Variants in HERC5 observed in about 807,000 individuals in gnomAD.
HERC5 encodes the protein HECT and RLD domain containing E3 ubiquitin protein ligase 5.
A neutral mutation model predicts 119.6 loss-of-function variants in HERC5; 99 were observed. The observed-to-expected ratio is 0.83, with a 90% CI of 0.70 to 0.98. HERC5 has a LOEUF of 0.98. Ranked by LOEUF, HERC5 falls within the 50% of genes least tolerant of loss-of-function variation. The pLI is 0.00. For synonymous variants in HERC5, 478 were observed against 445.9 expected, an observed-to-expected ratio of 1.07 and a Z score of -0.91; for missense variants, 1,267 against 1,241.3, an observed-to-expected ratio of 1.02 and a Z score of -0.31.
At chr4:88,484,009 G>A (rs946292488) in intron 13 of HERC5, among the ~76,000 whole-genome samples, 5 of 151,740 alleles carry the variant, frequency 3.3e-5, no homozygotes, top group African/African-American at 4.8e-5. Context: ...CATATTTTCC[G>A]TCTCATTGTC....
At chr4:88,486,551 A>G (rs1365520607) in intron 14 of HERC5, among the ~76,000 whole-genome samples, 1 of 152,230 alleles carries the variant, frequency 6.6e-6, no homozygotes, top group African/African-American at 2.4e-5. Context: ...CCAAGAGCCA[A>G]GACCCTGTGG....
chr4:88,459,608 A>G (rs1488340797), intron 2 of HERC5, 138 bp downstream of exon 2: 2 of 557,742 alleles, frequency 3.6e-6, no homozygotes, highest in Non-Finnish European at 6.1e-6. Flanking sequence ...ACTGACCAGT[A>G]AAGTCCTTAT....
intron 5 of HERC5, 107 bp downstream of exon 5, chr4:88,463,730 T>C: frequency 7.3e-7 from 1 of 1,369,900 alleles, no homozygotes; most frequent in African/African-American, 1.4e-5. Flanking sequence ...TATGTAGGAC[T>C]GTCCTTCTGA....
chr4:88,472,716 T>C (rs1335107634), intron 11 of HERC5, among the ~76,000 whole-genome samples: 1 of 150,062 alleles, frequency 6.7e-6, no homozygotes, highest in Non-Finnish European at 1.5e-5. Context: ...TTCTAAATAG[T>C]GTGTCTGTAC....
chr4:88,462,050 C>A, intron 3 of HERC5, 85 bp from the exon 4 acceptor site: 1 of 1,087,290 alleles, frequency 9.2e-7, no homozygotes, highest in Non-Finnish European at 1.4e-6. Flanking sequence ...TGATATTATA[C>A]TAGGTAGAGC....
At chr4:88,494,359 A>T (rs372049085) in intron 18 of HERC5, 28 bp downstream of exon 18, 11 of 1,571,232 alleles carry the variant, frequency 7.0e-6, no homozygotes, top group Non-Finnish European at 9.6e-6. Context: ...CTGAGAAAGG[A>T]CCCTTTCTAA....
chr4:88,487,516 C>T (rs924182415), intron 15 of HERC5, among the ~76,000 whole-genome samples: 6 of 152,152 alleles, frequency 3.9e-5, no homozygotes, highest in African/African-American at 1.4e-4. Context: ...GTGTAACAGA[C>T]TTGGGCTTGA....
At chr4:88,478,302 T>G (rs563206083) in intron 12 of HERC5, among the ~76,000 whole-genome samples, 5 of 152,330 alleles carry the variant, frequency 3.3e-5, no homozygotes, top group Admixed American at 2.0e-4. Context: ...AAATATTTTG[T>G]TATGTGTATC....
chr4:88,465,096 G>A (rs1308455651), intron 6 of HERC5, among the ~76,000 whole-genome samples: 2 of 152,122 alleles, frequency 1.3e-5, no homozygotes, highest in Non-Finnish European at 2.9e-5. Flanking sequence ...TGTATTTTTA[G>A]TAGAGTCGGG....
At chr4:88,486,696 T>G (rs556549598) in intron 14 of HERC5, among the ~76,000 whole-genome samples, 24 of 152,282 alleles carry the variant, frequency 1.6e-4, no homozygotes, top group Non-Finnish European at 3.1e-4. Flanking sequence ...TTCTAGCACA[T>G]CAAGTCTTGC....
intron 16 of HERC5, among the ~76,000 whole-genome samples, chr4:88,492,217 T>G (rs968464114): frequency 6.6e-6 from 1 of 151,680 alleles, no homozygotes; most frequent in African/African-American, 2.4e-5. Flanking sequence ...TTGGCCAGAC[T>G]GGTCACGAAC....
intron 11 of HERC5, among the ~76,000 whole-genome samples, chr4:88,475,517 C>T (rs1741031230): frequency 6.6e-6 from 1 of 151,916 alleles, no homozygotes; most frequent in Non-Finnish European, 1.5e-5. Flanking sequence ...CAGGGTTTCA[C>T]CATGTTGGTC....
chr4:88,458,614 C>T (rs549390186), intron 1 of HERC5, among the ~76,000 whole-genome samples: 3 of 152,114 alleles, frequency 2.0e-5, no homozygotes, highest in South Asian at 4.2e-4. Context: ...TTTTGGTTCC[C>T]CTAGCATTTG....
At chr4:88,502,668 G>A (rs1741979038) in intron 20 of HERC5, among the ~76,000 whole-genome samples, 1 of 152,066 alleles carries the variant, frequency 6.6e-6, no homozygotes. Flanking sequence ...AGTTCTAATT[G>A]CTCTATATCC....
In HERC5 at chr4:88,487,061, AT is replaced by A; in HGVS notation, c.1852-3del. ...ACTTATCAGAATTATTGTCATTTCC[AT>A]TTTTAGGACGCTTCAGAAAATGTAC... On this transcript the variant is annotated splice_region_variant and splice_polypyrimidine_tract_variant and intron_variant, in intron 14 of 22. Coordinates refer to ENST00000264350, the MANE Select transcript of HERC5 (RefSeq NM_016323.4). The A allele has an allele frequency of 6.3e-7, 1 of 1,587,982 alleles. No individual in the cohort carries two copies. Among genetic ancestry groups the A allele is most frequent in the Non-Finnish European group, 8.6e-7 (1 of 1,159,738 alleles).
Position 88,504,897 on chromosome 4 carries a change from A to T in HERC5, c.2869+300A>T, listed in dbSNP as rs945061042. 2.0e-5 allele frequency among the ~76,000 whole-genome samples: 3 copies of T among 152,206 alleles called. No individual in the cohort carries two copies. In the East Asian group the frequency reaches 5.8e-4, roughly 29 times the overall value. On this transcript the variant is annotated intron_variant, in intron 22 of 22. Transcript: ENST00000264350. ...TCACTTATTCAGCCTTTTTGGGATT[A>T]ACTAAAATATTTTATTTGGCTAATT...
chr4:88,460,889 G>A (rs918063311), intron 3 of HERC5, among the ~76,000 whole-genome samples: 1 of 152,066 alleles, frequency 6.6e-6, no homozygotes, highest in South Asian at 2.1e-4. Context: ...ACTTGGGAGG[G>A]TGAGGCAGGA....
chr4:88,479,842 C>T (rs1374495204), intron 13 of HERC5, among the ~76,000 whole-genome samples: 1 of 151,968 alleles, frequency 6.6e-6, no homozygotes, highest in African/African-American at 2.4e-5. Flanking sequence ...CCAAGGCGGG[C>T]GGATCACGAG....
chr4:88,486,130 T>C lies in HERC5; in HGVS notation c.1753T>C (p.Cys585Arg). 1 of 1,606,776 alleles carries C rather than the reference T, an allele frequency of 6.2e-7. No homozygotes were observed. Among genetic ancestry groups the C allele is most frequent in the Non-Finnish European group, 8.5e-7 (1 of 1,175,878 alleles). ...TTTATTTAAGGTAAACCAGGTGAAA[T>C]GTCAACTACCTGAAAGTATTTTCCA... ...KKLHRVNQVK[C>R]QLPESIFQVD... Residue 585 changes from cysteine to arginine, a missense_variant, in exon 14 of 23, where the codon TGT (cysteine) becomes CGT (arginine). Cys to Arg is a radical substitution (Grantham distance 180, BLOSUM62 -3). Around this residue, in one of 3 missense-constraint regions of HERC5, gnomAD observed 777 missense variants for 758.0 expected, o/e 1.03. Transcript: ENST00000264350.
Sources: allele counts gnomAD v4.1 joint callset (sites outside exome capture counted in the v4.1 genomes callset), GRCh38; gene constraint gnomAD v4.1.1; regional missense constraint gnomAD v4.1.1; transcripts MANE v1.5; gene names NCBI Gene and HGNC (gene_info 2026-07-23, HGNC 2026-07-21).